The following DGKB variants were observed in gnomAD, a reference collection of about 807,000 sequenced individuals.
The protein encoded by DGKB is diacylglycerol kinase beta, also known as 90 kDa diacylglycerol kinase.
In DGKB, 67 loss-of-function variants were observed where a neutral mutation model predicts 114.3. The observed-to-expected ratio is 0.59, with a 90% CI of 0.48 to 0.72. DGKB has a LOEUF of 0.72. Ranked by LOEUF, DGKB falls within the 30% of genes least tolerant of loss-of-function variation. The pLI is 0.00. For synonymous variants in DGKB, 398 were observed against 323.1 expected (o/e 1.23, Z -2.49); for missense variants, 907 against 975.2 (o/e 0.93, Z 0.93).
At position 14,607,444 on chromosome 7, in the gene DGKB, G is replaced by A; in HGVS notation, c.1423C>T (p.Pro475Ser). Residue 475 changes from proline (P) to serine (S), a missense_variant, in exon 17 of 26, where the codon CCA becomes TCA. By Grantham distance (74) the Pro-to-Ser change is moderately conservative. Around this residue, in one of 3 missense-constraint regions of DGKB, gnomAD observed 814 missense variants for 856.6 expected, o/e 0.95. Transcript: ENST00000402815. ...RQVYSLSGNG[P>S]MPGLNFFRDV... The stretch of plus-strand genomic sequence containing the variant: ...TATCCTTGGACTTACCCTGGCATTG[G>A]TCCATTTCCAGAAAGACTGTAAACC... The A allele has an allele frequency of 1.3e-6, 2 of 1,549,576 alleles. No individual in the cohort carries two copies. Among genetic ancestry groups the A allele is most frequent in the Non-Finnish European group, 1.8e-6 (2 of 1,123,768 alleles).
chr7:14,575,860 C>T (rs1051210372), intron 19 of DGKB, among the ~76,000 whole-genome samples: 8 of 152,060 alleles, frequency 5.3e-5, no homozygotes, highest in Non-Finnish European at 1.0e-4. Flanking sequence ...ATTGAATAAA[C>T]TCATTGGGTT....
intron 21 of DGKB, among the ~76,000 whole-genome samples, chr7:14,368,668 G>T (rs117481570): frequency 2.6e-5 from 4 of 151,786 alleles, no homozygotes; most frequent in Non-Finnish European, 5.9e-5. Flanking sequence ...AAAACACTAC[G>T]ACAAAGTTAC....
chr7:14,678,632 A>C (rs769721210), intron 12 of DGKB, among the ~76,000 whole-genome samples: 161 of 152,038 alleles, frequency 1.1e-3, no homozygotes, highest in Non-Finnish European at 3.4e-4. Flanking sequence ...TGAGGGCTGC[A>C]TTTATTATCA....
intron 1 of DGKB, among the ~76,000 whole-genome samples, chr7:14,969,518 G>C (rs1248415144): frequency 1.3e-5 from 2 of 152,134 alleles, no homozygotes; most frequent in East Asian, 3.9e-4. Context: ...GAAGGTGAGT[G>C]GTGGGCCAAT....
At chr7:14,960,179 C>G (rs1786760358) in intron 1 of DGKB, among the ~76,000 whole-genome samples, 1 of 152,000 alleles carries the variant, frequency 6.6e-6, no homozygotes. Flanking sequence ...TTTTGAAGAT[C>G]AATTTGTGAA....
At chr7:14,830,989 A>G (rs953789811) in intron 2 of DGKB, among the ~76,000 whole-genome samples, 10 of 151,958 alleles carry the variant, frequency 6.6e-5, no homozygotes, top group African/African-American at 2.4e-4. Context: ...TTAAAATGAA[A>G]TGGAAGAATT....
At chr7:14,277,074 T>C (rs1799122819) in intron 23 of DGKB, among the ~76,000 whole-genome samples, 1 of 152,154 alleles carries the variant, frequency 6.6e-6, no homozygotes, top group Non-Finnish European at 1.5e-5. Flanking sequence ...TCAAAATTCA[T>C]TTCTAAAAAA....
intron 23 of DGKB, among the ~76,000 whole-genome samples, chr7:14,267,402 A>C (rs1179788305): frequency 1.3e-5 from 2 of 152,156 alleles, no homozygotes; most frequent in African/African-American, 2.4e-5. Flanking sequence ...TTGTCATGCC[A>C]CGTAGAGCAG....
At chr7:14,383,601 T>C (rs948747691) in intron 21 of DGKB, among the ~76,000 whole-genome samples, 3 of 152,194 alleles carry the variant, frequency 2.0e-5, no homozygotes, top group African/African-American at 4.8e-5. Flanking sequence ...GTGGGTTCTT[T>C]TGCTCCAGCC....
chr7:14,527,038 A>G (rs570566021), intron 20 of DGKB, among the ~76,000 whole-genome samples: 9 of 152,234 alleles, frequency 5.9e-5, no homozygotes, highest in African/African-American at 2.2e-4. Flanking sequence ...TTTATATTCA[A>G]TGGTGGTGTA....
intron 1 of DGKB, among the ~76,000 whole-genome samples, chr7:14,873,327 A>G (rs1402842216): frequency 6.6e-6 from 1 of 152,246 alleles, no homozygotes; most frequent in African/African-American, 2.4e-5. Context: ...AAAGACAAAT[A>G]GGCATTTTCA....
chr7:14,671,520 C>A (rs575207584), intron 13 of DGKB, among the ~76,000 whole-genome samples: 5 of 152,166 alleles, frequency 3.3e-5, no homozygotes, highest in African/African-American at 1.2e-4. Context: ...CAAGAAAATT[C>A]ACGTAACACA....
At chr7:14,703,243 G>A (rs1403017276) in intron 6 of DGKB, among the ~76,000 whole-genome samples, 1 of 152,190 alleles carries the variant, frequency 6.6e-6, no homozygotes, top group Admixed American at 6.5e-5. Context: ...ATATATTTCA[G>A]ATTGAGGGAC....
intron 1 of DGKB, among the ~76,000 whole-genome samples, chr7:14,919,745 G>T (rs1197708556): frequency 6.6e-6 from 1 of 152,166 alleles, no homozygotes; most frequent in East Asian, 1.9e-4. Flanking sequence ...TAGGGTCATG[G>T]GGTGTATCTC....
intron 1 of DGKB, among the ~76,000 whole-genome samples, chr7:14,950,947 T>A (rs1052532551): frequency 6.6e-6 from 1 of 151,838 alleles, no homozygotes; most frequent in Non-Finnish European, 1.5e-5. Context: ...CATCCAAACA[T>A]CATTTAATAT....
At chr7:14,842,914 A>T (rs1030578076) in intron 1 of DGKB, among the ~76,000 whole-genome samples, 1 of 152,174 alleles carries the variant, frequency 6.6e-6, no homozygotes, top group African/African-American at 2.4e-5. Context: ...ATATTCTTTT[A>T]ATAAAGGATT....
chr7:14,206,246 A>G (rs1786797799), intron 23 of DGKB, among the ~76,000 whole-genome samples: 1 of 152,038 alleles, frequency 6.6e-6, no homozygotes, highest in Non-Finnish European at 1.5e-5. Flanking sequence ...GACAGGGCTA[A>G]GTCCAAGGTG....
At chr7:14,223,020 A>G (rs1323340645) in intron 23 of DGKB, among the ~76,000 whole-genome samples, 1 of 151,370 alleles carries the variant, frequency 6.6e-6, no homozygotes, top group African/African-American at 2.4e-5. Flanking sequence ...TCTATTTTTT[A>G]TCTTGTAATC....
intron 1 of DGKB, among the ~76,000 whole-genome samples, chr7:14,875,301 C>T (rs552771077): frequency 4.1e-4 from 62 of 152,152 alleles, no homozygotes; most frequent in South Asian, 2.7e-3. Flanking sequence ...CGTTGACTGC[C>T]GAATGCTATT....
Sources: allele counts gnomAD v4.1 joint callset (sites outside exome capture counted in the v4.1 genomes callset), GRCh38; gene constraint gnomAD v4.1.1; regional missense constraint gnomAD v4.1.1; transcripts MANE v1.5; gene names NCBI Gene and HGNC (gene_info 2026-07-23, HGNC 2026-07-21).